Variants in OSBP2 observed in about 807,000 individuals in gnomAD.
OSBP2 encodes oxysterol-binding protein 2.
OSBP2 carries 66 observed loss-of-function variants against 96.0 expected under a neutral mutation model. That is an observed-to-expected ratio of 0.69 (90% CI 0.56 to 0.84). The LOEUF (loss-of-function observed/expected upper bound fraction) is 0.84. Among genes scored for constraint, OSBP2 ranks in the 40% least tolerant of loss-of-function variants. OSBP2 has a pLI of 0.00. For synonymous variants in OSBP2, 525 were observed against 520.9 expected (o/e 1.01, Z -0.11); for missense variants, 1,038 against 1,222.7 (o/e 0.85, Z 2.25).
intron 2 of OSBP2, among the ~76,000 whole-genome samples, chr22:30,849,226 G>T (rs12160476): frequency 0.48 from 72,440 of 151,930 alleles, 18,696 homozygotes; most frequent in African/African-American, 0.67. Flanking sequence ...CTATGATCAT[G>T]CCACTGCACT....
chr22:30,818,239 T>C (rs2091104029), intron 2 of OSBP2, among the ~76,000 whole-genome samples: 1 of 152,170 alleles, frequency 6.6e-6, no homozygotes, highest in Admixed American at 6.5e-5. Context: ...ATACTTTTCA[T>C]AGACTTACAA....
intron 12 of OSBP2, among the ~76,000 whole-genome samples, chr22:30,894,892 A>G (rs2040028094): frequency 6.6e-6 from 1 of 152,238 alleles, no homozygotes; most frequent in Admixed American, 6.5e-5. Flanking sequence ...TCTTTAAAGA[A>G]TGAAGGTGAA....
intron 2 of OSBP2, among the ~76,000 whole-genome samples, chr22:30,772,456 C>T (rs1053708397): frequency 3.9e-5 from 6 of 152,044 alleles, no homozygotes; most frequent in Non-Finnish European, 5.9e-5. Context: ...CAGGCTGGCC[C>T]GTGGGATGTC....
At chr22:30,786,912 C>T (rs2090597834) in intron 2 of OSBP2, among the ~76,000 whole-genome samples, 1 of 152,126 alleles carries the variant, frequency 6.6e-6, no homozygotes, top group Non-Finnish European at 1.5e-5. Flanking sequence ...GATTCTCCTG[C>T]CTCAGCCTCC....
At chr22:30,744,629 C>T (rs988821914) in intron 2 of OSBP2, among the ~76,000 whole-genome samples, 14 of 152,130 alleles carry the variant, frequency 9.2e-5, no homozygotes, top group African/African-American at 3.1e-4. Flanking sequence ...AGTGTGGTGG[C>T]GCGTGCCTGT....
intron 2 of OSBP2, among the ~76,000 whole-genome samples, chr22:30,841,182 A>G (rs904489919): frequency 1.3e-5 from 2 of 152,258 alleles, no homozygotes; most frequent in Admixed American, 1.3e-4. Context: ...CAAAAAAACA[A>G]AAAATAAATA....
At chr22:30,783,065 CTTTTT>C (rs567123014) in intron 2 of OSBP2, among the ~76,000 whole-genome samples, 17,045 of 104,166 alleles carry the variant, frequency 0.16, 921 homozygotes, top group African/African-American at 0.21. Context: ...GAACCTGTGG[CTTTTT>C]TTTTTTTTTT....
At chr22:30,849,113 T>C (rs1281916969) in intron 2 of OSBP2, among the ~76,000 whole-genome samples, 1 of 151,780 alleles carries the variant, frequency 6.6e-6, no homozygotes, top group African/African-American at 2.4e-5. Flanking sequence ...CAAAAAAATT[T>C]AAAAATTAGC....
At chr22:30,825,881 A>T (rs988652628) in intron 2 of OSBP2, among the ~76,000 whole-genome samples, 3 of 152,072 alleles carry the variant, frequency 2.0e-5, no homozygotes, top group Non-Finnish European at 4.4e-5. Flanking sequence ...GAGAGAGCTG[A>T]GCTGAACTTG....
intron 2 of OSBP2, among the ~76,000 whole-genome samples, chr22:30,743,699 A>G (rs938293924): frequency 6.6e-6 from 1 of 152,190 alleles, no homozygotes; most frequent in African/African-American, 2.4e-5. Context: ...AAATAAATAA[A>G]TGATAAATTG....
intron 2 of OSBP2, among the ~76,000 whole-genome samples, chr22:30,771,763 A>G (rs2090349369): frequency 6.6e-6 from 1 of 152,204 alleles, no homozygotes; most frequent in Non-Finnish European, 1.5e-5. Context: ...CACCTGAATC[A>G]GGATTAGCTA....
chr22:30,890,632 C>T lies in OSBP2; in HGVS notation c.1624-96C>T. 2 of 1,401,150 alleles carry T rather than the reference C, an allele frequency of 1.4e-6. No individual in the cohort carries two copies. The highest frequency in any genetic ancestry group is 1.2e-5 in the South Asian group (1 of 80,082). 86.8% of individuals were successfully genotyped at this position (1,401,150 alleles called of 1,614,324 possible). On this transcript the variant is annotated intron_variant, in intron 7 of 13. Transcript: ENST00000332585. The surrounding 1 kb of genome is among the most constrained non-coding windows in gnomAD (Gnocchi z 4.4). ...AGGAGCCTCACTGTGAAGGTGCTGT[C>T]TGAGCAGGGATGTCCCTGAACATCC... is the stretch of plus-strand genomic sequence containing the variant.
At position 30,811,789 on chromosome 22, in the gene OSBP2, A is replaced by G. The variant is rs543343817; in HGVS notation, c.854-58640A>G. On this transcript the variant is annotated intron_variant, in intron 2 of 13. Transcript: ENST00000332585. ...AGGCTGGTCTCGAACTCCTGACCTCAGGTGATCTGCCCACCTCGGCCTCCC... is the reference window on the plus strand; with the variant it reads ...AGGCTGGTCTCGAACTCCTGACCTCGGGTGATCTGCCCACCTCGGCCTCCC... 3.3e-5 allele frequency among the ~76,000 whole-genome samples: 5 copies of G among 152,024 alleles called. No individual in the cohort carries two copies. The South Asian group carries it at 1.0e-3, about 32-fold the overall frequency.
intron 2 of OSBP2, among the ~76,000 whole-genome samples, chr22:30,759,712 T>G (rs1405968554): frequency 6.6e-6 from 1 of 152,110 alleles, no homozygotes; most frequent in Admixed American, 6.6e-5. Flanking sequence ...CATTCATAGT[T>G]TAAAACACTT....
rs1028521670 is a variant in OSBP2 at position 30,895,474 on chromosome 22, A to C, written c.2375+1473A>C. 2.0e-5 allele frequency among the ~76,000 whole-genome samples: 3 copies of C among 152,356 alleles called. No homozygotes were observed. In the South Asian group the frequency reaches 6.2e-4, roughly 32 times the overall value. On this transcript the variant is annotated intron_variant, in intron 12 of 13. Coordinates refer to ENST00000332585, the MANE Select transcript of OSBP2 (RefSeq NM_030758.4). Reference sequence around the variant, plus strand: ...AGGGAGGAGCAAAAGATTTTAGTCAAGGATAAAGAATTAGACATCAGATTT... The same window carrying C: ...AGGGAGGAGCAAAAGATTTTAGTCACGGATAAAGAATTAGACATCAGATTT...
At chr22:30,753,551 T>C (rs552586323) in intron 2 of OSBP2, among the ~76,000 whole-genome samples, 1 of 152,198 alleles carries the variant, frequency 6.6e-6, no homozygotes, top group South Asian at 2.1e-4. Flanking sequence ...GACTAGGACC[T>C]CCATCTGGCC....
At position 30,905,821 on chromosome 22, in the gene OSBP2, A is replaced by C. The variant is rs1023800692; in HGVS notation, c.2376-16A>C. Reference sequence around the variant, plus strand: ...TCACACCGCAGCCACCGCCACCGCCACCACCACCGCCACAGGGAGAACGCG... The same window carrying C: ...TCACACCGCAGCCACCGCCACCGCCCCCACCACCGCCACAGGGAGAACGCG... On this transcript the variant is annotated splice_polypyrimidine_tract_variant and intron_variant, in intron 12 of 13. Coordinates refer to ENST00000332585, the MANE Select transcript of OSBP2 (RefSeq NM_030758.4). 8 of 1,610,940 alleles carry C rather than the reference A, an allele frequency of 5.0e-6. No homozygotes were observed. The highest frequency in any genetic ancestry group is 4.5e-5 in the East Asian group (2 of 44,548).
At chr22:30,889,767 C>T (rs949625612) in intron 7 of OSBP2, 131 bp downstream of exon 7, 6 of 789,528 alleles carry the variant, frequency 7.6e-6, no homozygotes, top group Non-Finnish European at 1.3e-5. Flanking sequence ...ACCTGAGGAG[C>T]ATGTAACTAA....
chr22:30,830,878 T>C (rs1044141402), intron 2 of OSBP2, among the ~76,000 whole-genome samples: 1 of 101,912 alleles, frequency 9.8e-6, no homozygotes, highest in Non-Finnish European at 1.9e-5. Flanking sequence ...TTAATATCAT[T>C]GAGATCCAAA....
Sources: allele counts gnomAD v4.1 joint callset (sites outside exome capture counted in the v4.1 genomes callset), GRCh38; gene constraint gnomAD v4.1.1; non-coding constraint Gnocchi (gnomAD v3.1); transcripts MANE v1.5; gene names NCBI Gene and HGNC (gene_info 2026-07-23, HGNC 2026-07-21).